Variants in GCLM observed in about 807,000 individuals in gnomAD.
GCLM encodes the protein glutamate--cysteine ligase regulatory subunit.
In GCLM, 15 loss-of-function variants were observed where a neutral mutation model predicts 36.0. The ratio of observed to expected loss-of-function variants is 0.42; its 90% confidence interval spans 0.28 to 0.64. GCLM has a LOEUF of 0.64. Among genes scored for constraint, GCLM ranks in the 30% least tolerant of loss-of-function variants. The probability of loss-of-function intolerance (pLI) is 0.25; values close to 1 mark genes in which losing one functional copy is unlikely to be tolerated. For missense variants in GCLM, 242 were observed against 325.5 expected, an observed-to-expected ratio of 0.74 and a Z score of 1.97; for synonymous variants, 129 against 122.8, an observed-to-expected ratio of 1.05 and a Z score of -0.34.
chr1:93,886,810 T>C lies in GCLM; in HGVS notation c.*2180A>G, dbSNP rs1005759022. ...ATCTTGGCCAGTTCACTGTATAGAT[T>C]TAAAATAAAATGAACGCTTGTTTAA... On this transcript the variant is annotated 3_prime_UTR_variant, in exon 7 of 7. Transcript: ENST00000370238. 1 of 152,160 alleles carries C rather than the reference T, an allele frequency of 6.6e-6. No individual in the cohort carries two copies. Among genetic ancestry groups the C allele is most frequent in the Non-Finnish European group, 1.5e-5 (1 of 68,030 alleles). The allele number at this position is 152,160 out of a possible 1,614,324, so 9.4% of individuals were successfully genotyped here.
At chr1:93,901,281 C>A (rs991062356) in intron 3 of GCLM, among the ~76,000 whole-genome samples, 1 of 152,146 alleles carries the variant, frequency 6.6e-6, no homozygotes, top group African/African-American at 2.4e-5. Context: ...TCTAAGCCTT[C>A]CCTTTATCCT....
chr1:93,898,591 C>T (rs954084805), intron 3 of GCLM, among the ~76,000 whole-genome samples: 1 of 152,064 alleles, frequency 6.6e-6, no homozygotes, highest in Non-Finnish European at 1.5e-5. Flanking sequence ...CCTCCCGCTT[C>T]GGCTTCCCAA....
At chr1:93,906,169 A>T (rs1657140343) in intron 1 of GCLM, among the ~76,000 whole-genome samples, 1 of 152,194 alleles carries the variant, frequency 6.6e-6, no homozygotes, top group South Asian at 2.1e-4. Flanking sequence ...CTATGTTAAG[A>T]TTTACAATCC....
chr1:93,903,104 C>A (rs778227635), intron 2 of GCLM, among the ~76,000 whole-genome samples: 27 of 152,004 alleles, frequency 1.8e-4, no homozygotes, highest in Non-Finnish European at 3.7e-4. Context: ...TATACACTCG[C>A]CTACTGAAGA....
chr1:93,904,425 G>A, intron 2 of GCLM, 98 bp downstream of exon 2: 2 of 774,898 alleles, frequency 2.6e-6, no homozygotes, highest in Non-Finnish European at 2.3e-6. Flanking sequence ...ATGGCTAATT[G>A]CCTATTTGAC....
In GCLM at chr1:93,905,636, T is replaced by G. The variant is rs17882036; in HGVS notation, c.127-1048A>C. Among the ~76,000 whole-genome samples, 804 of 152,322 alleles carry G rather than the reference T, an allele frequency of 5.3e-3. 1 individual carries two copies. The highest frequency in any genetic ancestry group is 0.018 in the African/African-American group (760 of 41,556). On this transcript the variant is annotated intron_variant, in intron 1 of 6. Coordinates refer to ENST00000370238, the MANE Select transcript of GCLM (RefSeq NM_002061.4). ...AAAAATTTATACAAATATTATAGTA[T>G]GTTGTAAATTAATTCAAACATACTT...
rs949454357 is a variant in GCLM, at chr1:93,887,785, T to A, written c.*1205A>T. 6.6e-6 allele frequency: 1 copy of A among 152,140 alleles called. No individual in the cohort carries two copies. Among genetic ancestry groups the A allele is most frequent in the African/African-American group, 2.4e-5 (1 of 41,416 alleles). 9.4% of individuals were successfully genotyped at this position (152,140 alleles called of 1,614,324 possible). ...GCCCGGATGAAATACAAGAGATTTT[T>A]AAAGAAGTTTTCAAACTATTCAGGT... On this transcript the variant is annotated 3_prime_UTR_variant, in exon 7 of 7. Transcript: ENST00000370238.
chr1:93,902,931 T>C (rs1657016081), intron 2 of GCLM, among the ~76,000 whole-genome samples: 1 of 152,218 alleles, frequency 6.6e-6, no homozygotes, highest in Admixed American at 6.5e-5. Context: ...TATCAAATAG[T>C]TGATATCATA....
intron 2 of GCLM, among the ~76,000 whole-genome samples, chr1:93,902,379 C>A (rs907336643): frequency 2.6e-5 from 4 of 151,610 alleles, no homozygotes; most frequent in Admixed American, 1.3e-4. Flanking sequence ...AGGGTTTCAC[C>A]GTGTTAGCCA....
At chr1:93,905,806 G>T (rs1657129340) in intron 1 of GCLM, among the ~76,000 whole-genome samples, 1 of 152,092 alleles carries the variant, frequency 6.6e-6, no homozygotes, top group African/African-American at 2.4e-5. Flanking sequence ...CACTCTAATG[G>T]CTTCCAATAT....
chr1:93,899,325 C>T (rs17879789), intron 3 of GCLM, among the ~76,000 whole-genome samples: 2 of 152,068 alleles, frequency 1.3e-5, no homozygotes, highest in African/African-American at 4.8e-5. Flanking sequence ...CCACCCGACT[C>T]GCCTCCCAAA....
Position 93,904,361 on chromosome 1 carries a change from G to A in GCLM, c.192+162C>T, listed in dbSNP as rs1052543181. 1.9e-5 allele frequency: 12 copies of A among 628,192 alleles called. No homozygotes were observed. The African/African-American group carries it at 2.2e-4, about 12-fold the overall frequency. The allele number at this position is 628,192 out of a possible 1,614,324, so 38.9% of individuals were successfully genotyped here. ...CTACGGTCTAGATTTTCTGTTTTATGCATAAGCCTACTGGATCAGAGTGCC... is the reference window on the plus strand; with the variant it reads ...CTACGGTCTAGATTTTCTGTTTTATACATAAGCCTACTGGATCAGAGTGCC... On this transcript the variant is annotated intron_variant, in intron 2 of 6. Transcript: ENST00000370238.
rs547368159 is a variant in GCLM at position 93,889,867 on chromosome 1, A to G, written c.656-708T>C. On this transcript the variant is annotated intron_variant, in intron 6 of 6. Transcript: ENST00000370238. ...TTATGTTTTTCCTAATATTTTGCTA[A>G]TAAGAATAATGCCAGGATAAACATT... Among the ~76,000 whole-genome samples the G allele has an allele frequency of 3.3e-5, 5 of 151,064 alleles. No individual in the cohort carries two copies. In the East Asian group the frequency reaches 9.7e-4, roughly 29 times the overall value.
At chr1:93,907,137 C>G (rs1657172544) in intron 1 of GCLM, among the ~76,000 whole-genome samples, 1 of 152,172 alleles carries the variant, frequency 6.6e-6, no homozygotes. Context: ...CAATTTGGAG[C>G]TCTGGGTGTT....
chr1:93,908,693 G>C (rs1208740186), intron 1 of GCLM: 1 of 182,196 alleles, frequency 5.5e-6, no homozygotes, highest in Admixed American at 6.2e-5. Context: ...GGAAGCGAGA[G>C]ATGTGGAGAG....
intron 6 of GCLM, 111 bp downstream of exon 6, chr1:93,894,503 G>C (rs1438162186): frequency 1.5e-6 from 1 of 647,560 alleles, no homozygotes; most frequent in African/African-American, 1.8e-5. Flanking sequence ...GAATAGTTCA[G>C]ATAACACTGT....
intron 3 of GCLM, among the ~76,000 whole-genome samples, chr1:93,901,247 T>C (rs917506143): frequency 2.6e-5 from 4 of 152,210 alleles, no homozygotes; most frequent in African/African-American, 9.6e-5. Flanking sequence ...GGGGTGCTTA[T>C]GCTTGCTTTG....
chr1:93,904,631 A>G, intron 1 of GCLM, 43 bp from the exon 2 acceptor site: 1 of 1,232,526 alleles, frequency 8.1e-7, no homozygotes, highest in East Asian at 2.3e-5. Flanking sequence ...CAAAGTCTAT[A>G]TACTTTTCTG....
intron 1 of GCLM, among the ~76,000 whole-genome samples, chr1:93,906,446 G>A (rs1246031300): frequency 6.6e-6 from 1 of 152,152 alleles, no homozygotes; most frequent in East Asian, 1.9e-4. Context: ...CCTCTGGAAG[G>A]ATGGCTCATT....
Sources: allele counts gnomAD v4.1 joint callset (sites outside exome capture counted in the v4.1 genomes callset), GRCh38; gene constraint gnomAD v4.1.1; transcripts MANE v1.5; gene names NCBI Gene and HGNC (gene_info 2026-07-23, HGNC 2026-07-21).